The following GNA13 variants were observed in gnomAD, a reference collection of about 807,000 sequenced individuals.
The protein encoded by GNA13 is guanine nucleotide-binding protein subunit alpha-13.
A neutral mutation model predicts 33.5 loss-of-function variants in GNA13; 4 were observed. The observed-to-expected ratio is 0.12, with a 90% CI of 0.06 to 0.27. GNA13 has a LOEUF of 0.27. Ranked by LOEUF, GNA13 falls within the 10% of genes least tolerant of loss-of-function variation. The probability of loss-of-function intolerance (pLI) is 1.00; values close to 1 mark genes in which losing one functional copy is unlikely to be tolerated. For missense variants in GNA13, 319 were observed against 487.2 expected (o/e 0.65, Z 3.25); for synonymous variants, 176 against 183.8 (o/e 0.96, Z 0.34).
rs1394327228 is a variant in GNA13, at chr17:65,011,151, T to C, written c.*3106A>G. On this transcript the variant is annotated 3_prime_UTR_variant, in exon 4 of 4. Coordinates refer to ENST00000439174, the MANE Select transcript of GNA13 (RefSeq NM_006572.6). ...ATAAGGACATATGGTATTTGTTGAA[T>C]CTAAATCAGCACTTCTAATCATTTC... The C allele has an allele frequency of 4.8e-6, 1 of 206,384 alleles. No individual in the cohort carries two copies. The highest frequency in any genetic ancestry group is 9.9e-6 in the Non-Finnish European group (1 of 101,086). 12.8% of individuals were successfully genotyped at this position (206,384 alleles called of 1,614,324 possible). A position where few individuals can be genotyped will look rare whatever the true frequency, so the allele number is the denominator to read the frequency against.
At chr17:65,045,514 A>G (rs978721472) in intron 2 of GNA13, among the ~76,000 whole-genome samples, 3 of 151,212 alleles carry the variant, frequency 2.0e-5, no homozygotes, top group African/African-American at 7.3e-5. Context: ...TCTCAAAAAA[A>G]AAAAAAAAAA....
At chr17:65,042,787 T>C (rs1372235039) in intron 2 of GNA13, among the ~76,000 whole-genome samples, 1 of 152,144 alleles carries the variant, frequency 6.6e-6, no homozygotes, top group Non-Finnish European at 1.5e-5. Flanking sequence ...CTCTTCAACA[T>C]GTGGTCCTAG....
intron 2 of GNA13, among the ~76,000 whole-genome samples, chr17:65,032,765 G>A (rs377236307): frequency 4.0e-5 from 6 of 151,268 alleles, no homozygotes; most frequent in African/African-American, 1.5e-4. Flanking sequence ...CTTTGATATT[G>A]CCTTTTCTGC....
chr17:65,048,820 T>C (rs1200696909), intron 2 of GNA13, among the ~76,000 whole-genome samples: 2 of 152,216 alleles, frequency 1.3e-5, no homozygotes, highest in Non-Finnish European at 2.9e-5. Flanking sequence ...CCTGTCAGTT[T>C]TTAATGTGCA....
intron 1 of GNA13, among the ~76,000 whole-genome samples, chr17:65,055,324 G>A (rs888608865): frequency 3.9e-5 from 6 of 152,102 alleles, no homozygotes; most frequent in African/African-American, 1.4e-4. Flanking sequence ...TTCTTTGAAT[G>A]CCCAGAAATA....
intron 2 of GNA13, among the ~76,000 whole-genome samples, chr17:65,033,814 A>C (rs1907142896): frequency 6.6e-6 from 1 of 152,050 alleles, no homozygotes; most frequent in Non-Finnish European, 1.5e-5. Context: ...GGAGTTTGAG[A>C]CCAGCCTGGC....
chr17:65,041,199 T>C (rs1049263520), intron 2 of GNA13, among the ~76,000 whole-genome samples: 3 of 152,304 alleles, frequency 2.0e-5, no homozygotes, highest in Admixed American at 6.5e-5. Flanking sequence ...ATTCCAGCTC[T>C]TTTTCTTTAA....
chr17:65,025,943 GCAGCAGCACTC>G (rs1363811474), intron 2 of GNA13, among the ~76,000 whole-genome samples: 4 of 151,918 alleles, frequency 2.6e-5, no homozygotes, highest in African/African-American at 7.3e-5. Flanking sequence ...CCACGACTAA[GCAGCAGCACTC>G]TCCATCGTTT....
intron 2 of GNA13, among the ~76,000 whole-genome samples, chr17:65,047,505 T>C (rs1443337981): frequency 2.0e-5 from 3 of 152,202 alleles, no homozygotes; most frequent in East Asian, 1.9e-4. Flanking sequence ...AGATAACCAA[T>C]AGGTTTTTAG....
chr17:65,031,921 A>AGTGTGTGTGTGTGT (rs148637639), intron 2 of GNA13, among the ~76,000 whole-genome samples: 56 of 91,694 alleles, frequency 6.1e-4, no homozygotes, highest in African/African-American at 1.1e-3. Context: ...AGAGAGAGAG[A>AGTGTGTGTGTGTGT]GTGTGTGTGT....
At chr17:65,031,917 AGAGAGT>A (rs1449442897) in intron 2 of GNA13, among the ~76,000 whole-genome samples, 334 of 128,214 alleles carry the variant, frequency 2.6e-3, no homozygotes, top group African/African-American at 0.01. Context: ...AGAGAGAGAG[AGAGAGT>A]GTGTGTGTGT....
At chr17:65,024,892 T>C (rs2143784790) in intron 2 of GNA13, among the ~76,000 whole-genome samples, 2 of 152,330 alleles carry the variant, frequency 1.3e-5, no homozygotes, top group Middle Eastern at 6.8e-3. Flanking sequence ...GGCTTGTTTT[T>C]TGTTTTCTTG....
In GNA13 at chr17:65,028,182, C is replaced by T. The variant is rs191559606; in HGVS notation, c.511-9879G>A. The stretch of plus-strand genomic sequence containing the variant: ...CGGAGCTTGCAGTGAGCTGAGATCG[C>T]GTCACTGCACTCCAGCCTGGGTGAC... On this transcript the variant is annotated intron_variant, in intron 2 of 3. Coordinates refer to ENST00000439174, the MANE Select transcript of GNA13 (RefSeq NM_006572.6). 2.7e-4 allele frequency among the ~76,000 whole-genome samples: 41 copies of T among 152,220 alleles called. 1 individual carries two copies. Among genetic ancestry groups the T allele is most frequent in the Non-Finnish European group, 4.0e-4 (27 of 68,020 alleles).
intron 2 of GNA13, among the ~76,000 whole-genome samples, chr17:65,041,622 T>A (rs1175297630): frequency 1.3e-5 from 2 of 152,008 alleles, no homozygotes; most frequent in African/African-American, 4.8e-5. Flanking sequence ...GGCAGAGAAA[T>A]GACAGAAAGG....
intron 2 of GNA13, among the ~76,000 whole-genome samples, chr17:65,031,917 AGAGAGTGT>A (rs1268827211): frequency 6.2e-5 from 8 of 128,184 alleles, no homozygotes; most frequent in African/African-American, 1.6e-4. Context: ...AGAGAGAGAG[AGAGAGTGT>A]GTGTGTGTGT....
At position 65,018,274 on chromosome 17, in the gene GNA13, G is replaced by C; in HGVS notation, c.540C>G (p.Asn180Lys). Residue 180 changes from asparagine (N) to lysine (K), a missense_variant, in exon 3 of 4, where the codon AAC becomes AAG. Transcript: ENST00000439174. ...TTACTGGTTCTCCAAGTTTATCCAAGTTATCCAGGAAATATTTTACAGATT... is the reference window on the plus strand; with the variant it reads ...TTACTGGTTCTCCAAGTTTATCCAACTTATCCAGGAAATATTTTACAGATT... Reference protein sequence around the residue: ...LGESVKYFLDNLDKLGEPDYI... With the variant: ...LGESVKYFLDKLDKLGEPDYI... 6.5e-7 allele frequency: 1 copy of C among 1,529,412 alleles called. No homozygotes were observed. Among genetic ancestry groups the C allele is most frequent in the Non-Finnish European group, 9.1e-7 (1 of 1,102,974 alleles). 94.7% of individuals were successfully genotyped at this position (1,529,412 alleles called of 1,614,324 possible). A position where few individuals can be genotyped will look rare whatever the true frequency, so the allele number is the denominator to read the frequency against.
Position 65,053,115 on chromosome 17 carries a change from C to T in GNA13, c.510+387G>A, listed in dbSNP as rs140870789. The T allele has an allele frequency of 5.1e-3, 850 of 167,374 alleles. 7 individuals are homozygous for T. Among genetic ancestry groups the T allele is most frequent in the Middle Eastern group, 0.045 (15 of 336 alleles). 10.4% of individuals were successfully genotyped at this position (167,374 alleles called of 1,614,324 possible). Reference sequence around the variant, plus strand: ...TATGGAAGTCAGTGAAAAAAGTGTGCTAAAATCAGATACAGGTTGAGTGTC... The same window carrying T: ...TATGGAAGTCAGTGAAAAAAGTGTGTTAAAATCAGATACAGGTTGAGTGTC... On this transcript the variant is annotated intron_variant, in intron 2 of 3. Coordinates refer to ENST00000439174, the MANE Select transcript of GNA13 (RefSeq NM_006572.6).
chr17:65,051,986 G>A (rs1907874089), intron 2 of GNA13: 1 of 152,218 alleles, frequency 6.6e-6, no homozygotes, highest in South Asian at 2.1e-4. Flanking sequence ...TAAGGTGTCA[G>A]TTTTATAAAA....
chr17:65,034,042 A>C (rs564083089), intron 2 of GNA13, among the ~76,000 whole-genome samples: 75 of 147,582 alleles, frequency 5.1e-4, no homozygotes, highest in East Asian at 1.2e-3. Context: ...AAAAAAATCC[A>C]AAAGAACCAA....
Sources: allele counts gnomAD v4.1 joint callset (sites outside exome capture counted in the v4.1 genomes callset), GRCh38; gene constraint gnomAD v4.1.1; transcripts MANE v1.5; gene names NCBI Gene and HGNC (gene_info 2026-07-23, HGNC 2026-07-21).